Variants in TCP10L observed in about 807,000 individuals in gnomAD.
TCP10L encodes the protein t-complex 10 like.
A neutral mutation model predicts 19.2 loss-of-function variants in TCP10L; 11 were observed. The ratio of observed to expected loss-of-function variants is 0.57; its 90% CI spans 0.36 to 0.95. The LOEUF (loss-of-function observed/expected upper bound fraction) is 0.95, where lower values mean the gene tolerates loss of function less well. Among genes scored for constraint, TCP10L ranks in the 40% least tolerant of loss-of-function variants. The probability of loss-of-function intolerance (pLI) is 0.01; values close to 1 mark genes in which losing one functional copy is unlikely to be tolerated. For missense variants in TCP10L, 247 were observed against 263.9 expected (o/e 0.94, Z 0.44); for synonymous variants, 96 against 97.2 (o/e 0.99, Z 0.07).
At chr21:32,584,910 T>C (rs2038543024) in intron 1 of TCP10L, among the ~76,000 whole-genome samples, 1 of 152,144 alleles carries the variant, frequency 6.6e-6, no homozygotes, top group African/African-American at 2.4e-5. Flanking sequence ...AACACCTTTT[T>C]ATAGGTACAG....
At chr21:32,581,862 C>T (rs2038498061) in intron 3 of TCP10L, among the ~76,000 whole-genome samples, 1 of 152,070 alleles carries the variant, frequency 6.6e-6, no homozygotes, top group Non-Finnish European at 1.5e-5. Context: ...GAGAGTAAGA[C>T]CGTAAAGCTC....
chr21:32,573,745 T>C lies in TCP10L; in HGVS notation c.*3029A>G, dbSNP rs2038401400. Among the ~76,000 whole-genome samples the C allele has an allele frequency of 6.6e-6, 1 of 152,158 alleles. No homozygotes were observed. Among genetic ancestry groups the C allele is most frequent in the African/African-American group, 2.4e-5 (1 of 41,436 alleles). On this transcript the variant is annotated 3_prime_UTR_variant, in exon 5 of 5. Transcript: ENST00000300258. ...ATTTGGACCATGTTTTGTGTTTTAT[T>C]AAAGTGGTTATCTCCCACTTATATG...
In TCP10L at chr21:32,578,549, C is replaced by T; in HGVS notation, c.498+145G>A. 1 of 1,252,138 alleles carries T rather than the reference C, an allele frequency of 8.0e-7. No homozygotes were observed. Among genetic ancestry groups the T allele is most frequent in the Non-Finnish European group, 1.1e-6 (1 of 897,752 alleles). The allele number at this position is 1,252,138 out of a possible 1,614,324, so 77.6% of individuals were successfully genotyped here. On this transcript the variant is annotated intron_variant, in intron 4 of 4. Coordinates refer to ENST00000300258, the MANE Select transcript of TCP10L (RefSeq NM_144659.7). This position sits in a 1 kb window ranked among gnomAD's most constrained non-coding sequence, Gnocchi z 4.2. ...AGGATCTTGTTTGAAAGGCATGTAC[C>T]CGTGTCCTTGGAAGAACACAGGACT...
rs1854465204 is a variant in TCP10L, at chr21:32,574,167, AAAAT to A, written c.*2603_*2606del. On this transcript the variant is annotated 3_prime_UTR_variant, in exon 5 of 5. Coordinates refer to ENST00000300258, the MANE Select transcript of TCP10L (RefSeq NM_144659.7). ...ATTTCATTTTATTGACATTTTTTGT[AAAAT>A]ATAGCATGTTACAAGTGGACCACTA... The A allele has an allele frequency of 6.6e-6, 1 of 151,872 alleles. No individual in the cohort carries two copies. The highest frequency in any genetic ancestry group is 1.5e-5 in the Non-Finnish European group (1 of 67,976). 9.4% of individuals were successfully genotyped at this position (151,872 alleles called of 1,614,324 possible).
At chr21:32,583,766 G>A (rs1601128287) in intron 2 of TCP10L, among the ~76,000 whole-genome samples, 1 of 152,164 alleles carries the variant, frequency 6.6e-6, no homozygotes, top group Non-Finnish European at 1.5e-5. Context: ...ACAGGGACCC[G>A]TGGGACTTTA....
Position 32,582,845 on chromosome 21 carries a change from G to A in TCP10L, c.145-430C>T, listed in dbSNP as rs530105323. Among the ~76,000 whole-genome samples, 4 of 151,860 alleles carry A rather than the reference G, an allele frequency of 2.6e-5. No homozygotes were observed. In the South Asian group the frequency reaches 6.3e-4, roughly 24 times the overall value. On this transcript the variant is annotated intron_variant, in intron 2 of 4. Coordinates refer to ENST00000300258, the MANE Select transcript of TCP10L (RefSeq NM_144659.7). The surrounding 1 kb of genome is among the most constrained non-coding windows in gnomAD (Gnocchi z 4.2). ...TGGGCTCAAGCAATCCACCTGCCTC[G>A]GCCTCCCAAAGTGCTGGGATTACAG...
intron 3 of TCP10L, among the ~76,000 whole-genome samples, chr21:32,579,979 T>C (rs899142528): frequency 6.6e-6 from 1 of 152,196 alleles, no homozygotes; most frequent in Non-Finnish European, 1.5e-5. Context: ...TAAACTCACT[T>C]TCTTTCTGAG....
At position 32,578,310 on chromosome 21, in the gene TCP10L, C is replaced by T. The variant is rs114982228; in HGVS notation, c.498+384G>A. The stretch of plus-strand genomic sequence containing the variant: ...CGCCGACAAGCAGCAGGTGCAAGAC[C>T]GCAGTGCAGAAGCAGGGAGCACGGG... On this transcript the variant is annotated intron_variant, in intron 4 of 4. Transcript: ENST00000300258. The surrounding 1 kb of genome is among the most constrained non-coding windows in gnomAD (Gnocchi z 4.2). 6.6e-6 allele frequency among the ~76,000 whole-genome samples: 1 copy of T among 152,200 alleles called. No homozygotes were observed. Among genetic ancestry groups the T allele is most frequent in the Non-Finnish European group, 1.5e-5 (1 of 68,040 alleles).
chr21:32,579,766 T>TA (rs2146525761), intron 3 of TCP10L, among the ~76,000 whole-genome samples: 1 of 152,270 alleles, frequency 6.6e-6, no homozygotes, highest in East Asian at 1.9e-4. Context: ...GGGCAGTAGA[T>TA]ACTATTTTTT....
chr21:32,582,196 G>C lies in TCP10L; in HGVS notation c.360+4C>G. 5 of 1,613,722 alleles carry C rather than the reference G, an allele frequency of 3.1e-6. No individual in the cohort carries two copies. Among genetic ancestry groups the C allele is most frequent in the Middle Eastern group, 1.7e-4 (1 of 6,060 alleles). On this transcript the variant is annotated splice_donor_region_variant and intron_variant, in intron 3 of 4. Coordinates refer to ENST00000300258, the MANE Select transcript of TCP10L (RefSeq NM_144659.7). The surrounding 1 kb of genome is among the most constrained non-coding windows in gnomAD (Gnocchi z 4.2). ...GTACAAAAACATAAATGCGCTTTTG[G>C]TACCAGAGTGTGCGATTCTTGCCCC...
At chr21:32,577,086 T>G (rs1473989652) in intron 4 of TCP10L, among the ~76,000 whole-genome samples, 163 bp from the exon 5 acceptor site, 2 of 152,246 alleles carry the variant, frequency 1.3e-5, no homozygotes, top group African/African-American at 4.8e-5. Flanking sequence ...TCATTCCCCA[T>G]TTTACAGCCC....
rs1401400382 is a variant in TCP10L at position 32,578,421 on chromosome 21, A to G, written c.498+273T>C. 6.6e-6 allele frequency among the ~76,000 whole-genome samples: 1 copy of G among 152,246 alleles called. No homozygotes were observed. Among genetic ancestry groups the G allele is most frequent in the Non-Finnish European group, 1.5e-5 (1 of 68,046 alleles). ...TGCACCCACGGAAACAAAGCCCCCA[A>G]GTCCCCTCGGCCCCAGCCAGACGCT... is the stretch of plus-strand genomic sequence containing the variant. On this transcript the variant is annotated intron_variant, in intron 4 of 4. Coordinates refer to ENST00000300258, the MANE Select transcript of TCP10L (RefSeq NM_144659.7). This position sits in a 1 kb window ranked among gnomAD's most constrained non-coding sequence, Gnocchi z 4.2.
At position 32,576,782 on chromosome 21, in the gene TCP10L, C is replaced by A; in HGVS notation, c.640G>T (p.Gly214Cys). The A allele has an allele frequency of 6.2e-7, 1 of 1,612,988 alleles. No homozygotes were observed. The highest frequency in any genetic ancestry group is 8.5e-7 in the Non-Finnish European group (1 of 1,179,622). ...AGGCCACCTTTCCATCTTCAGACAC[C>A]CCCCCGTCTCTCTGCACAGGGAGTT... ...RPTPCAERRGGV is the reference protein window; with the variant it reads ...RPTPCAERRGCV Residue 214 changes from glycine (G) to cysteine (C), a missense_variant, in exon 5 of 5, where the codon GGT (glycine) becomes TGT (cysteine). Coordinates refer to ENST00000300258, the MANE Select transcript of TCP10L (RefSeq NM_144659.7).
In TCP10L at chr21:32,576,453, AC is replaced by A. The variant is rs2038434507; in HGVS notation, c.*320del. On this transcript the variant is annotated 3_prime_UTR_variant, in exon 5 of 5. Coordinates refer to ENST00000300258, the MANE Select transcript of TCP10L (RefSeq NM_144659.7). The stretch of plus-strand genomic sequence containing the variant: ...GATTTCCAGCAAGACCCCAGGGCTC[AC>A]CCAACAGCCCGACACTCCATACTAC... The A allele has an allele frequency of 1.0e-5, 7 of 693,278 alleles. No homozygotes were observed. In the East Asian group the frequency reaches 1.9e-4, roughly 19 times the overall value. 42.9% of individuals were successfully genotyped at this position (693,278 alleles called of 1,614,324 possible). A position where few individuals can be genotyped will look rare whatever the true frequency, so the allele number is the denominator to read the frequency against.
At chr21:32,577,769 TAC>T in intron 4 of TCP10L, 1 of 152,258 alleles carries the variant, frequency 6.6e-6, no homozygotes, top group South Asian at 2.1e-4. Flanking sequence ...ATTAAAGACA[TAC>T]GCACGGAAGT....
intron 4 of TCP10L, chr21:32,577,648 A>T (rs1442371786): frequency 1.3e-5 from 2 of 152,244 alleles, no homozygotes; most frequent in Non-Finnish European, 2.9e-5. Context: ...GAAGAGACAC[A>T]CTGGCTGGGA....
intron 4 of TCP10L, among the ~76,000 whole-genome samples, chr21:32,577,910 A>G (rs1279133080): frequency 2.0e-5 from 3 of 152,266 alleles, no homozygotes; most frequent in East Asian, 3.8e-4. Context: ...TAGATTAACT[A>G]AAAGTATTCC....
chr21:32,578,742 G>A lies in TCP10L; in HGVS notation c.450C>T (p.Ala150=), dbSNP rs1426363011. The stretch of plus-strand genomic sequence containing the variant: ...ATGACGATCTTTGTCCCAGGAGAGT[G>A]GCACTCTGATTCTTGTGGCCAGCGT... ...PKYAGHKNQS[A]TLLGQRSSSN... is the part of the protein sequence containing the mutation. The change falls in exon 4 of 5, where the codon GCC becomes GCT. Residue 150 remains alanine, a synonymous_variant. Transcript: ENST00000300258. The surrounding 1 kb of genome is among the most constrained non-coding windows in gnomAD (Gnocchi z 4.2). 6.2e-7 allele frequency: 1 copy of A among 1,614,034 alleles called. No individual in the cohort carries two copies. Among genetic ancestry groups the A allele is most frequent in the Non-Finnish European group, 8.5e-7 (1 of 1,180,030 alleles).
At position 32,576,234 on chromosome 21, in the gene TCP10L, C is replaced by T; in HGVS notation, c.*540G>A. 1.9e-6 allele frequency: 3 copies of T among 1,544,096 alleles called. No individual in the cohort carries two copies. The highest frequency in any genetic ancestry group is 2.7e-6 in the Non-Finnish European group (3 of 1,128,372). ...CACCAGCTCCTCCGGCTGCTGCCAT[C>T]TGCTCCTGCAGCATGGCGGCCTGGG... On this transcript the variant is annotated 3_prime_UTR_variant, in exon 5 of 5. Coordinates refer to ENST00000300258, the MANE Select transcript of TCP10L (RefSeq NM_144659.7).
Sources: allele counts gnomAD v4.1 joint callset (sites outside exome capture counted in the v4.1 genomes callset), GRCh38; gene constraint gnomAD v4.1.1; non-coding constraint Gnocchi (gnomAD v3.1); transcripts MANE v1.5; gene names NCBI Gene and HGNC (gene_info 2026-07-23, HGNC 2026-07-21).